Variants in ESR1 observed in about 807,000 individuals in gnomAD.
ESR1 encodes the protein estrogen receptor.
In ESR1, 12 loss-of-function variants were observed where a neutral mutation model predicts 52.7. That is an observed-to-expected ratio of 0.23 (90% confidence interval 0.15 to 0.37). The LOEUF (loss-of-function observed/expected upper bound fraction) is 0.37, where lower values mean the gene tolerates loss of function less well. Ranked by LOEUF, ESR1 falls within the 10% of genes least tolerant of loss-of-function variation. ESR1 has a pLI of 1.00. For missense variants in ESR1, 584 were observed against 779.7 expected (o/e 0.75, Z 2.99); for synonymous variants, 305 against 316.8 (o/e 0.96, Z 0.39).
chr6:151,764,472 C>A (rs1306795739), intron 2 of ESR1, among the ~76,000 whole-genome samples: 2 of 152,008 alleles, frequency 1.3e-5, no homozygotes, highest in African/African-American at 2.4e-5. Context: ...GTCTGCACTG[C>A]GCTTGTCAGG....
intron 2 of ESR1, among the ~76,000 whole-genome samples, chr6:151,713,193 T>C (rs1459805236): frequency 6.6e-6 from 1 of 152,208 alleles, no homozygotes; most frequent in Non-Finnish European, 1.5e-5. Flanking sequence ...GAAGCTGACT[T>C]GATTGTGGTG....
At chr6:151,684,747 C>T (rs1332764607) in intron 1 of ESR1, among the ~76,000 whole-genome samples, 5 of 152,230 alleles carry the variant, frequency 3.3e-5, no homozygotes, top group Non-Finnish European at 7.3e-5. Flanking sequence ...TTCCTTCCTG[C>T]GGGGCCAGGT....
At chr6:151,672,045 C>T (rs754866680) in intron 1 of ESR1, among the ~76,000 whole-genome samples, 2 of 152,076 alleles carry the variant, frequency 1.3e-5, no homozygotes, top group East Asian at 3.9e-4. Flanking sequence ...GTTGCCCAGG[C>T]TGGTCTCAGA....
chr6:152,049,252 C>G (rs949475575), intron 5 of ESR1, among the ~76,000 whole-genome samples: 1 of 152,216 alleles, frequency 6.6e-6, no homozygotes, highest in Admixed American at 6.5e-5. Context: ...TAATAACCAA[C>G]TCTAACCTCC....
At chr6:151,851,591 T>C (rs1370444871) in intron 2 of ESR1, among the ~76,000 whole-genome samples, 1 of 151,650 alleles carries the variant, frequency 6.6e-6, no homozygotes, top group Non-Finnish European at 1.5e-5. Context: ...GCAGTGGCAT[T>C]GTGTCAGCTC....
At chr6:151,947,102 G>C (rs2035788428) in intron 4 of ESR1, among the ~76,000 whole-genome samples, 1 of 152,204 alleles carries the variant, frequency 6.6e-6, no homozygotes, top group East Asian at 1.9e-4. Context: ...TGGATCACCT[G>C]AGGTCAGGAG....
chr6:151,863,096 T>C (rs544067975), intron 2 of ESR1, among the ~76,000 whole-genome samples: 6 of 152,324 alleles, frequency 3.9e-5, no homozygotes, highest in African/African-American at 1.2e-4. Flanking sequence ...GCGTGGTGCC[T>C]CCAGCTTTGT....
chr6:152,012,413 C>T (rs990907224), intron 5 of ESR1, among the ~76,000 whole-genome samples: 18 of 151,958 alleles, frequency 1.2e-4, no homozygotes, highest in African/African-American at 4.1e-4. Flanking sequence ...GCAGCTGCCA[C>T]TGATAGAGTC....
chr6:152,083,162 T>TC (rs1289647911), intron 6 of ESR1, among the ~76,000 whole-genome samples: 7 of 151,904 alleles, frequency 4.6e-5, no homozygotes, highest in African/African-American at 1.7e-4. Flanking sequence ...GCCAAGACAA[T>TC]CCTAAGCAAA....
At chr6:151,890,386 C>T (rs1470589667) in intron 3 of ESR1, among the ~76,000 whole-genome samples, 1 of 152,088 alleles carries the variant, frequency 6.6e-6, no homozygotes, top group East Asian at 1.9e-4. Context: ...CGTGCCAGGC[C>T]ATGATCTATA....
intron 1 of ESR1, among the ~76,000 whole-genome samples, chr6:151,675,638 A>T (rs912217405): frequency 6.6e-6 from 1 of 152,340 alleles, no homozygotes; most frequent in East Asian, 1.9e-4. Flanking sequence ...AAAAGCCATC[A>T]TTTTAGGCTA....
intron 3 of ESR1, among the ~76,000 whole-genome samples, chr6:151,909,086 T>C (rs995157768): frequency 6.6e-6 from 1 of 152,178 alleles, no homozygotes; most frequent in Non-Finnish European, 1.5e-5. Flanking sequence ...GAGAATAAAA[T>C]GGAAAAGGGC....
intron 2 of ESR1, among the ~76,000 whole-genome samples, chr6:151,762,040 A>G (rs1436696748): frequency 6.6e-6 from 1 of 152,226 alleles, no homozygotes; most frequent in African/African-American, 2.4e-5. Context: ...GGGAGGTTAA[A>G]AGTCCCAGTG....
chr6:151,749,242 G>T (rs967220815), intron 2 of ESR1, among the ~76,000 whole-genome samples: 2 of 149,978 alleles, frequency 1.3e-5, no homozygotes, highest in Non-Finnish European at 3.0e-5. Flanking sequence ...GGACATGAGA[G>T]TAAGGAGAGT....
chr6:152,105,376 C>T (rs143839809), downstream of ESR1, among the ~76,000 whole-genome samples: 20 of 152,128 alleles, frequency 1.3e-4, no homozygotes, highest in East Asian at 3.7e-3. Flanking sequence ...CCTTTTCCCC[C>T]CAAATTGTTA....
intron 2 of ESR1, among the ~76,000 whole-genome samples, chr6:151,719,504 G>A (rs1210751337): frequency 2.0e-5 from 3 of 152,146 alleles, no homozygotes; most frequent in Admixed American, 6.5e-5. Flanking sequence ...GCATTTCTGC[G>A]AGACTGGAGA....
rs552340088 is a variant in ESR1 at position 152,053,771 on chromosome 6, G to A, written c.1236-7220G>A. ...GATATTTTATGCTTTCATGGAGGCC[G>A]TGTAAATTGGTATAACCTTTTTGGA... On this transcript the variant is annotated intron_variant, in intron 5 of 7. Coordinates refer to ENST00000206249, the MANE Select transcript of ESR1 (RefSeq NM_000125.4). The surrounding 1 kb of genome is among the most constrained non-coding windows in gnomAD (Gnocchi z 4.1). 2.4e-4 allele frequency among the ~76,000 whole-genome samples: 37 copies of A among 152,120 alleles called. No individual in the cohort carries two copies. The highest frequency in any genetic ancestry group is 5.8e-4 in the African/African-American group (24 of 41,498).
chr6:151,688,804 T>C (rs907791685), upstream of ESR1, among the ~76,000 whole-genome samples: 1 of 152,172 alleles, frequency 6.6e-6, no homozygotes, highest in Non-Finnish European at 1.5e-5. Context: ...GCATAGGATA[T>C]ATGTAAATAC....
chr6:151,824,924 A>T lies in ESR1; in HGVS notation c.452+16560A>T, dbSNP rs1781231302. Among the ~76,000 whole-genome samples, 5 of 152,056 alleles carry T rather than the reference A, an allele frequency of 3.3e-5. 1 individual carries two copies. On this transcript the variant is annotated intron_variant, in intron 1 of 7. Transcript: ENST00000206249. ...CAACAGAGCGAGACTCCATCTCAAAAAAAAAAAGAAAAAAAAGAGTTCTTG... is the reference window on the plus strand; with the variant it reads ...CAACAGAGCGAGACTCCATCTCAAATAAAAAAAGAAAAAAAAGAGTTCTTG...
Sources: gnomAD v4.1 joint callset for allele counts (sites outside exome capture counted in the v4.1 genomes callset) on GRCh38, gnomAD v4.1.1 for gene constraint, Gnocchi (gnomAD v3.1) non-coding constraint, MANE v1.5 for transcripts, NCBI Gene and HGNC (gene_info 2026-07-23, HGNC 2026-07-21) for gene names.